MRTFA: variants seen among roughly 807,000 people sequenced by gnomAD.
MRTFA encodes myocardin-related transcription factor A.
A neutral mutation model predicts 83.5 loss-of-function variants in MRTFA; 20 were observed. The observed-to-expected ratio is 0.24, with a 90% CI of 0.17 to 0.35. MRTFA has a LOEUF of 0.35. Ranked by LOEUF, MRTFA falls within the 10% of genes least tolerant of loss-of-function variation. MRTFA has a pLI of 1.00. For synonymous variants in MRTFA, 659 were observed against 541.2 expected, an observed-to-expected ratio of 1.22 and a Z score of -3.02; for missense variants, 1,200 against 1,224.7, an observed-to-expected ratio of 0.98 and a Z score of 0.30.
At chr22:40,473,200 T>G (rs2053943624) in intron 3 of MRTFA, among the ~76,000 whole-genome samples, 1 of 152,180 alleles carries the variant, frequency 6.6e-6, no homozygotes. Flanking sequence ...CACTCTGTTG[T>G]CCAGGCTGAA....
chr22:40,503,347 T>C (rs1227408828), intron 3 of MRTFA, among the ~76,000 whole-genome samples: 1 of 152,204 alleles, frequency 6.6e-6, no homozygotes, highest in Admixed American at 6.5e-5. Flanking sequence ...CCAGGCATGA[T>C]TACAGGCGTG....
chr22:40,552,083 G>A, intron 3 of MRTFA, 23 bp downstream of exon 3: 1 of 398,154 alleles, frequency 2.5e-6, no homozygotes, highest in Non-Finnish European at 4.4e-6. Flanking sequence ...ATCAGGGAAT[G>A]CAATAATTCT....
intron 1 of MRTFA, among the ~76,000 whole-genome samples, chr22:40,636,253 CGCCCG>C (rs751133050): frequency 2.0e-5 from 3 of 152,148 alleles, no homozygotes; most frequent in East Asian, 3.9e-4. Context: ...CGCGCCCGCC[CGCCCG>C]GCCCGGCCCG....
At chr22:40,543,150 G>T (rs553384033) in intron 3 of MRTFA, among the ~76,000 whole-genome samples, 3 of 152,070 alleles carry the variant, frequency 2.0e-5, no homozygotes, top group African/African-American at 7.2e-5. Context: ...TCAACTGGGC[G>T]ACCTAATCTA....
At chr22:40,554,671 C>T (rs912430805) in intron 2 of MRTFA, among the ~76,000 whole-genome samples, 11 of 152,324 alleles carry the variant, frequency 7.2e-5, no homozygotes, top group Middle Eastern at 3.4e-3. Flanking sequence ...TGAGAACAGA[C>T]TAATAGACAC....
chr22:40,457,462 G>GAAAA (rs1257752237), intron 4 of MRTFA, among the ~76,000 whole-genome samples: 1 of 148,294 alleles, frequency 6.7e-6, no homozygotes, highest in African/African-American at 2.5e-5. Flanking sequence ...AAGAAAGAAA[G>GAAAA]AAAGAAAGAA....
At chr22:40,614,653 G>A (rs2147420177) in intron 1 of MRTFA, among the ~76,000 whole-genome samples, 1 of 152,064 alleles carries the variant, frequency 6.6e-6, no homozygotes, top group African/African-American at 2.4e-5. Context: ...ACACCCAAAT[G>A]ATTCTGTATT....
intron 2 of MRTFA, among the ~76,000 whole-genome samples, chr22:40,572,288 G>A (rs1431261141): frequency 6.6e-6 from 1 of 152,154 alleles, no homozygotes; most frequent in Non-Finnish European, 1.5e-5. Context: ...GGCAATGGTT[G>A]TATATGTGAA....
At chr22:40,413,343 T>A (rs2052603511) in intron 14 of MRTFA, among the ~76,000 whole-genome samples, 1 of 115,636 alleles carries the variant, frequency 8.6e-6, no homozygotes, top group African/African-American at 3.7e-5. Flanking sequence ...TTTACCACAA[T>A]TTTTTTTTTT....
At chr22:40,591,828 T>C (rs1159254855) in intron 2 of MRTFA, among the ~76,000 whole-genome samples, 3 of 151,994 alleles carry the variant, frequency 2.0e-5, no homozygotes, top group Non-Finnish European at 2.9e-5. Context: ...GACAGAAAAA[T>C]AAAAATGGAA....
At chr22:40,424,021 G>C (rs2052899581) in intron 8 of MRTFA, among the ~76,000 whole-genome samples, 185 bp downstream of exon 8, 1 of 152,196 alleles carries the variant, frequency 6.6e-6, no homozygotes, top group Non-Finnish European at 1.5e-5. Context: ...CTGCTGGAGA[G>C]GGGCCACTGC....
chr22:40,451,685 C>T (rs985876302), intron 4 of MRTFA, among the ~76,000 whole-genome samples: 4 of 152,084 alleles, frequency 2.6e-5, no homozygotes, highest in African/African-American at 4.8e-5. Flanking sequence ...GGTTAACATA[C>T]CAGTGGTCAA....
chr22:40,428,464 C>G (rs1327151300), intron 7 of MRTFA, among the ~76,000 whole-genome samples: 1 of 152,164 alleles, frequency 6.6e-6, no homozygotes, highest in Non-Finnish European at 1.5e-5. Context: ...AGTCCAAACT[C>G]CCAAGTGTGC....
chr22:40,572,940 C>A (rs2055816883), intron 2 of MRTFA, among the ~76,000 whole-genome samples: 1 of 152,166 alleles, frequency 6.6e-6, no homozygotes, highest in African/African-American at 2.4e-5. Flanking sequence ...TGGGTGGCGA[C>A]ACAGCCAAAC....
chr22:40,572,079 T>C (rs1404407782), intron 2 of MRTFA, among the ~76,000 whole-genome samples: 1 of 151,404 alleles, frequency 6.6e-6, no homozygotes, highest in Admixed American at 6.6e-5. Flanking sequence ...AGTCAGATTA[T>C]AACAAGTGAT....
chr22:40,526,183 TTTGTTGTTGTTG>T (rs57693796), intron 3 of MRTFA: 1 of 151,450 alleles, frequency 6.6e-6, no homozygotes. Flanking sequence ...GCCTGGCTAA[TTTGTTGTTGTTG>T]TTGTTGTTGT....
chr22:40,500,025 G>T (rs533008088), intron 3 of MRTFA, among the ~76,000 whole-genome samples: 1 of 148,200 alleles, frequency 6.7e-6, no homozygotes, highest in East Asian at 2.1e-4. Flanking sequence ...CGCCTCCAGG[G>T]TTCAAGCAAT....
chr22:40,573,673 C>A (rs1366579034), intron 2 of MRTFA, among the ~76,000 whole-genome samples: 1 of 151,478 alleles, frequency 6.6e-6, no homozygotes, highest in African/African-American at 2.4e-5. Context: ...GAGGCCAAGG[C>A]AGGAGAATCA....
At chr22:40,596,259 T>G (rs1041742272) in intron 1 of MRTFA, among the ~76,000 whole-genome samples, 1 of 152,040 alleles carries the variant, frequency 6.6e-6, no homozygotes, top group Non-Finnish European at 1.5e-5. Flanking sequence ...CGTAGCTCAG[T>G]TGGAAGAAGA....
Sources: allele counts gnomAD v4.1 joint callset (sites outside exome capture counted in the v4.1 genomes callset), GRCh38; gene constraint gnomAD v4.1.1; transcripts MANE v1.5; gene names NCBI Gene and HGNC (gene_info 2026-07-23, HGNC 2026-07-21).